PHACTR1: variants seen among roughly 807,000 people sequenced by gnomAD.
The protein encoded by PHACTR1 is RPEL repeat containing 1.
In PHACTR1, 16 loss-of-function variants were observed where a neutral mutation model predicts 69.2. That is an observed-to-expected ratio of 0.23 (90% CI 0.16 to 0.35). PHACTR1 has a LOEUF of 0.35. Among genes scored for constraint, PHACTR1 ranks in the 10% least tolerant of loss-of-function variants. The probability of loss-of-function intolerance (pLI) is 1.00; values close to 1 mark genes in which losing one functional copy is unlikely to be tolerated. For synonymous variants in PHACTR1, 312 were observed against 284.5 expected (o/e 1.10, Z -0.97); for missense variants, 510 against 734.7 (o/e 0.69, Z 3.54).
At chr6:12,756,017 A>G (rs1167511928) in intron 4 of PHACTR1, among the ~76,000 whole-genome samples, 1 of 152,240 alleles carries the variant, frequency 6.6e-6, no homozygotes, top group African/African-American at 2.4e-5. Context: ...TGACAGGTTC[A>G]TCACCTACCA....
chr6:13,003,965 G>GTATATATATATATATATATATGTA lies in PHACTR1; in HGVS notation c.251-49386_251-49385insTATATATGTATATATATATATATA, dbSNP rs772804033. On this transcript the variant is annotated intron_variant, in intron 4 of 14. Transcript: ENST00000332995. ...CAGTAGTATTCCTATATATATATATGTATATATATATATACACATATATAT... is the reference window on the plus strand; with the variant it reads ...CAGTAGTATTCCTATATATATATATGTATATATATATATATATATATGTATATATATATATATACACATATATAT... Among the ~76,000 whole-genome samples the GTATATATATATATATATATATGTA allele has an allele frequency of 1.7e-4, 16 of 96,316 alleles. 2 individuals carry two copies. Among genetic ancestry groups the GTATATATATATATATATATATGTA allele is most frequent in the African/African-American group, 5.9e-4 (10 of 17,014 alleles). The allele number at this position is 96,316 out of a possible 152,430, so 63.2% of individuals were successfully genotyped here. A position where few individuals can be genotyped will look rare whatever the true frequency, so the allele number is the denominator to read the frequency against.
At chr6:13,191,883 T>A (rs1763651770) in intron 7 of PHACTR1, among the ~76,000 whole-genome samples, 1 of 152,246 alleles carries the variant, frequency 6.6e-6, no homozygotes, top group Non-Finnish European at 1.5e-5. Context: ...TTTCCAGTCT[T>A]GTTTCTATTC....
At chr6:13,157,709 C>G (rs562315393) in intron 5 of PHACTR1, among the ~76,000 whole-genome samples, 7 of 152,176 alleles carry the variant, frequency 4.6e-5, no homozygotes, top group African/African-American at 1.7e-4. Context: ...TAAGAGAAAT[C>G]CGTTTTATTT....
intron 5 of PHACTR1, among the ~76,000 whole-genome samples, chr6:13,135,960 C>G (rs1821478848): frequency 6.6e-6 from 1 of 152,030 alleles, no homozygotes; most frequent in South Asian, 2.1e-4. Flanking sequence ...AAAAAAGTCA[C>G]CCTGTTCAGA....
At chr6:12,844,075 T>C (rs1026105829) in intron 4 of PHACTR1, among the ~76,000 whole-genome samples, 1 of 152,172 alleles carries the variant, frequency 6.6e-6, no homozygotes, top group Admixed American at 6.5e-5. Context: ...CCAAGGTTCC[T>C]CTTACATGAA....
At chr6:13,076,737 G>T (rs1324205070) in intron 5 of PHACTR1, among the ~76,000 whole-genome samples, 4 of 151,986 alleles carry the variant, frequency 2.6e-5, no homozygotes, top group Non-Finnish European at 5.9e-5. Flanking sequence ...TGGTGTTCAA[G>T]GTTGGAAAGA....
chr6:13,093,208 A>G (rs1197201185), intron 5 of PHACTR1, among the ~76,000 whole-genome samples: 1 of 152,254 alleles, frequency 6.6e-6, no homozygotes, highest in African/African-American at 2.4e-5. Flanking sequence ...TATAGGCAAG[A>G]TACAAGTAAG....
At chr6:12,845,423 C>CCCG (rs1218154892) in intron 4 of PHACTR1, among the ~76,000 whole-genome samples, 1 of 11,502 alleles carries the variant, frequency 8.7e-5, no homozygotes, top group Non-Finnish European at 2.8e-4. Context: ...ATTGTGAACA[C>CCCG]CACCCACCCC....
chr6:13,205,419 G>T (rs145884631), intron 7 of PHACTR1, among the ~76,000 whole-genome samples: 1 of 152,152 alleles, frequency 6.6e-6, no homozygotes, highest in East Asian at 1.9e-4. Flanking sequence ...TTTTTGCAGG[G>T]ACAAACTGCA....
chr6:12,876,807 G>A (rs1304259153), intron 4 of PHACTR1, among the ~76,000 whole-genome samples: 1 of 152,204 alleles, frequency 6.6e-6, no homozygotes, highest in African/African-American at 2.4e-5. Context: ...TATGGAGGCT[G>A]AGAAGTCCCA....
At chr6:12,828,741 G>A (rs900886184) in intron 4 of PHACTR1, among the ~76,000 whole-genome samples, 2 of 149,244 alleles carry the variant, frequency 1.3e-5, no homozygotes, top group East Asian at 2.0e-4. Context: ...TATTTTTGGG[G>A]AAAAATAATG....
chr6:12,748,524 A>T (rs1335811122), intron 3 of PHACTR1, among the ~76,000 whole-genome samples: 1 of 152,218 alleles, frequency 6.6e-6, no homozygotes, highest in African/African-American at 2.4e-5. Flanking sequence ...ACAAACATTA[A>T]AGGGTTTAGC....
chr6:13,030,743 A>T (rs896051465), intron 4 of PHACTR1, among the ~76,000 whole-genome samples: 3 of 152,272 alleles, frequency 2.0e-5, no homozygotes, highest in African/African-American at 7.2e-5. Context: ...GAGAATACTC[A>T]TTACAAACAC....
intron 4 of PHACTR1, among the ~76,000 whole-genome samples, chr6:13,045,340 A>T (rs577406717): frequency 2.0e-5 from 3 of 152,186 alleles, no homozygotes; most frequent in Non-Finnish European, 4.4e-5. Context: ...GTGACTGAAA[A>T]ATGTTAGCTG....
chr6:13,023,018 A>AAAT (rs377765917), intron 4 of PHACTR1, among the ~76,000 whole-genome samples: 233 of 151,482 alleles, frequency 1.5e-3, no homozygotes, highest in South Asian at 2.1e-3. Context: ...TCCTGTCTCA[A>AAAT]AATAATAATA....
At chr6:12,965,939 A>C (rs1486797481) in intron 4 of PHACTR1, among the ~76,000 whole-genome samples, 4 of 152,192 alleles carry the variant, frequency 2.6e-5, no homozygotes, top group Non-Finnish European at 5.9e-5. Context: ...CTCAGACTGG[A>C]ATGTCATAAA....
chr6:13,105,554 C>A (rs1815983573), intron 5 of PHACTR1, among the ~76,000 whole-genome samples: 1 of 152,106 alleles, frequency 6.6e-6, no homozygotes, highest in Non-Finnish European at 1.5e-5. Context: ...TAGTGCAAAC[C>A]CCACAAGTTG....
intron 4 of PHACTR1, among the ~76,000 whole-genome samples, chr6:13,013,161 G>A (rs1221861869): frequency 6.6e-6 from 1 of 152,226 alleles, no homozygotes; most frequent in Non-Finnish European, 1.5e-5. Context: ...CAGCTGGAGA[G>A]TTATTTGGCC....
chr6:13,131,198 TATATACACATACACACACAC>T (rs1476128273), intron 5 of PHACTR1, among the ~76,000 whole-genome samples: 3 of 96,390 alleles, frequency 3.1e-5, no homozygotes, highest in African/African-American at 1.4e-4. Context: ...CACACATATA[TATATACACATACACACACAC>T]ACACACACAC....
Sources: allele counts gnomAD v4.1 joint callset (sites outside exome capture counted in the v4.1 genomes callset), GRCh38; gene constraint gnomAD v4.1.1; transcripts MANE v1.5; gene names NCBI Gene and HGNC (gene_info 2026-07-23, HGNC 2026-07-21).